Variants in SCN1A observed in about 807,000 individuals in gnomAD.
SCN1A encodes sodium channel protein type 1 subunit alpha.
In SCN1A, 13 loss-of-function variants were observed where a neutral mutation model predicts 193.7. The observed-to-expected ratio is 0.07, with a 90% confidence interval of 0.04 to 0.11. The LOEUF is 0.11. SCN1A is among the 10% of genes least tolerant of loss of function. The pLI is 1.00. For missense variants in SCN1A, 1,432 were observed against 2,451.1 expected (o/e 0.58, Z 8.78); for synonymous variants, 781 against 843.6 (o/e 0.93, Z 1.29).
intron 19 of SCN1A, chr2:166,016,024 C>A: frequency 1.8e-5 from 6 of 335,302 alleles, no homozygotes; most frequent in East Asian, 6.9e-5. Context: ...AAGCAGGGGA[C>A]ACAGGGAAGA....
Position 166,044,064 on chromosome 2 carries a change from G to C in SCN1A, c.1663-15C>G. 6.2e-7 allele frequency: 1 copy of C among 1,613,788 alleles called. No homozygotes were observed. Among genetic ancestry groups the C allele is most frequent in the Middle Eastern group, 1.7e-4 (1 of 6,050 alleles). On this transcript the variant is annotated splice_polypyrimidine_tract_variant and intron_variant, in intron 13 of 28. Coordinates refer to ENST00000674923, the MANE Select transcript of SCN1A (RefSeq NM_001165963.4). ...CTCAACAAAGACTAGAAGTTTGAAAGAGCAAACAAATAAAGTCATATTAAT... is the reference window on the plus strand; with the variant it reads ...CTCAACAAAGACTAGAAGTTTGAAACAGCAAACAAATAAAGTCATATTAAT...
intron 6 of SCN1A, among the ~76,000 whole-genome samples, chr2:166,055,725 C>T (rs1473562016): frequency 3.9e-5 from 6 of 151,934 alleles, no homozygotes; most frequent in Non-Finnish European, 5.9e-5. Context: ...GGCAGGTGAG[C>T]AGCTATGGTT....
At chr2:166,081,063 A>G (rs1458594919) in intron 2 of SCN1A, among the ~76,000 whole-genome samples, 1 of 151,878 alleles carries the variant, frequency 6.6e-6, no homozygotes, top group African/African-American at 2.4e-5. Flanking sequence ...AGAAGAGGAC[A>G]CATGTATTAC....
At chr2:166,003,516 A>G (rs556123614) in intron 23 of SCN1A, among the ~76,000 whole-genome samples, 1 of 151,190 alleles carries the variant, frequency 6.6e-6, no homozygotes, top group Non-Finnish European at 1.5e-5. Context: ...GTGTTCAATT[A>G]TTATCTACTT....
chr2:166,004,557 G>T (rs2105524610), intron 23 of SCN1A, among the ~76,000 whole-genome samples: 1 of 151,254 alleles, frequency 6.6e-6, no homozygotes, highest in Middle Eastern at 3.4e-3. Context: ...TTTAATCTAT[G>T]TAAGATGAAT....
chr2:165,984,709 C>G (rs576781023), downstream of SCN1A: 3 of 151,900 alleles, frequency 2.0e-5, no homozygotes, highest in African/African-American at 7.3e-5. Context: ...TGAATTGCTC[C>G]GTGGACATCA....
intron 2 of SCN1A, among the ~76,000 whole-genome samples, chr2:166,124,921 A>G (rs545360425): frequency 1.8e-4 from 28 of 152,374 alleles, no homozygotes; most frequent in Non-Finnish European, 3.1e-4. Flanking sequence ...ACTGCTTAGG[A>G]TAGTGGCTGG....
upstream of SCN1A, among the ~76,000 whole-genome samples, chr2:166,131,761 A>G (rs563171477): frequency 6.6e-6 from 1 of 152,314 alleles, no homozygotes; most frequent in Non-Finnish European, 1.5e-5. Context: ...TCAAATGTGT[A>G]TCTCCTGGAG....
chr2:166,134,871 G>C (rs771060072), intron 1 of SCN1A, among the ~76,000 whole-genome samples: 4 of 152,040 alleles, frequency 2.6e-5, no homozygotes, highest in Non-Finnish European at 5.9e-5. Flanking sequence ...TGGTTCTTCA[G>C]AAAAGATCAA....
chr2:165,997,902 G>C (rs1690297966), intron 26 of SCN1A, 136 bp downstream of exon 26: 1 of 657,064 alleles, frequency 1.5e-6, no homozygotes, highest in Non-Finnish European at 2.7e-6. Context: ...GTGAATGACA[G>C]AGGAAGAGGA....
At chr2:166,125,826 T>C (rs970415278) in intron 2 of SCN1A, among the ~76,000 whole-genome samples, 3 of 151,954 alleles carry the variant, frequency 2.0e-5, no homozygotes, top group Non-Finnish European at 4.4e-5. Flanking sequence ...CTGCCATGTC[T>C]TAAAGAGAAA....
Position 166,141,191 on chromosome 2 carries a change from A to G in SCN1A, c.-50+7856T>C, listed in dbSNP as rs185854698. On this transcript the variant is annotated intron_variant, in intron 1 of 26. Coordinates refer to the SCN1A transcript ENST00000635750. Reference sequence around the variant, plus strand: ...TATTTAGATACACCAAGCAAACCCAATCTACTCTTCTAAGTCACATTTCTA... The same window carrying G: ...TATTTAGATACACCAAGCAAACCCAGTCTACTCTTCTAAGTCACATTTCTA... Among the ~76,000 whole-genome samples the G allele has an allele frequency of 2.6e-3, 393 of 151,998 alleles. 1 individual carries two copies. Among genetic ancestry groups the G allele is most frequent in the Non-Finnish European group, 1.9e-3 (128 of 67,996 alleles).
rs1032752829 is a variant in SCN1A at position 166,054,909 on chromosome 2, G to A, written c.474-143C>T. The stretch of plus-strand genomic sequence containing the variant: ...GATTTTAATTTCATACAAATGAAAC[G>A]TAGCCCTAAATTTAAATTCAGCTTC... On this transcript the variant is annotated intron_variant, in intron 6 of 28. Transcript: ENST00000674923. The A allele has an allele frequency of 9.9e-5, 74 of 750,586 alleles. No homozygotes were observed. The Middle Eastern group carries it at 1.2e-3, about 12-fold the overall frequency. The allele number at this position is 750,586 out of a possible 1,614,324, so 46.5% of individuals were successfully genotyped here. A position where few individuals can be genotyped will look rare whatever the true frequency, so the allele number is the denominator to read the frequency against.
chr2:166,123,223 CAAAAAAAAAAAA>C (rs57488795), intron 2 of SCN1A, among the ~76,000 whole-genome samples: 11 of 116,390 alleles, frequency 9.5e-5, no homozygotes, highest in Admixed American at 4.8e-4. Context: ...CATTCATTTG[CAAAAAAAAAAAA>C]AAAAAAAAAA....
chr2:166,113,536 T>G (rs1036325367), intron 2 of SCN1A, among the ~76,000 whole-genome samples: 1 of 148,524 alleles, frequency 6.7e-6, no homozygotes, highest in African/African-American at 2.5e-5. Flanking sequence ...GTCTTTTAGC[T>G]TGAACAACCG....
At position 165,985,987 on chromosome 2, in the gene SCN1A, A is replaced by G. The variant is rs935822302; in HGVS notation, c.*5258T>C. ...ACAAACATACAAACTTATGCAGTAG[A>G]GTTGTCTGTCCCAATGGTTACTAGA... On this transcript the variant is annotated 3_prime_UTR_variant, in exon 29 of 29. Coordinates refer to ENST00000674923, the MANE Select transcript of SCN1A (RefSeq NM_001165963.4). 1.3e-5 allele frequency: 2 copies of G among 152,100 alleles called. No homozygotes were observed. The highest frequency in any genetic ancestry group is 1.9e-4 in the East Asian group (1 of 5,196). 9.4% of individuals were successfully genotyped at this position (152,100 alleles called of 1,614,324 possible).
intron 2 of SCN1A, among the ~76,000 whole-genome samples, chr2:166,107,457 C>T (rs1044340393): frequency 6.6e-6 from 1 of 151,868 alleles, no homozygotes; most frequent in Non-Finnish European, 1.5e-5. Flanking sequence ...CAAAATTCAA[C>T]AGTTATAAAA....
chr2:166,022,843 G>A (rs1000703945), intron 19 of SCN1A, among the ~76,000 whole-genome samples: 12 of 152,152 alleles, frequency 7.9e-5, no homozygotes, highest in Admixed American at 4.6e-4. Flanking sequence ...GCTTTGCTAC[G>A]TGAAAACATA....
At chr2:166,016,017 C>A in intron 19 of SCN1A, 1 of 348,554 alleles carries the variant, frequency 2.9e-6, no homozygotes, top group Non-Finnish European at 5.4e-6. Context: ...ATTAGAGAAG[C>A]AGGGGACACA....
Sources: gnomAD v4.1 joint callset for allele counts (sites outside exome capture counted in the v4.1 genomes callset) on GRCh38, gnomAD v4.1.1 for gene constraint, MANE v1.5 for transcripts, NCBI Gene and HGNC (gene_info 2026-07-23, HGNC 2026-07-21) for gene names.